SCN4A: variants seen among roughly 807,000 people sequenced by gnomAD.
The protein encoded by SCN4A is sodium channel protein type 4 subunit alpha.
SCN4A carries 83 observed loss-of-function variants against 162.0 expected under a neutral mutation model. The ratio of observed to expected loss-of-function variants is 0.51; its 90% confidence interval spans 0.43 to 0.61. The LOEUF is 0.61. Among genes scored for constraint, SCN4A ranks in the 20% least tolerant of loss-of-function variants. SCN4A has a pLI of 0.00. For missense variants in SCN4A, 2,196 were observed against 2,462.5 expected (o/e 0.89, Z 2.29); for synonymous variants, 944 against 985.1 (o/e 0.96, Z 0.78).
intron 8 of SCN4A, among the ~76,000 whole-genome samples, chr17:63,965,666 T>G (rs1009866492): frequency 9.2e-5 from 14 of 152,144 alleles, no homozygotes; most frequent in Non-Finnish European, 1.8e-4. Flanking sequence ...TTTTTGTATT[T>G]TTAGTAGAGA....
chr17:63,947,358 C>A (rs535210669), intron 17 of SCN4A, among the ~76,000 whole-genome samples, 191 bp from the exon 18 acceptor site: 53 of 152,310 alleles, frequency 3.5e-4, no homozygotes, highest in Admixed American at 2.9e-3. Context: ...CCTGGCACCA[C>A]CTCAGTGATG....
At chr17:63,967,963 A>C in intron 6 of SCN4A, 60 bp downstream of exon 6, 2 of 1,357,870 alleles carry the variant, frequency 1.5e-6, no homozygotes, top group Admixed American at 2.0e-5. Flanking sequence ...ATGTGGAGTC[A>C]GAGGCTACCC....
Position 63,971,803 on chromosome 17 carries a change from A to G in SCN4A, c.530T>C (p.Leu177Pro). The change falls in exon 4 of 24, where the codon CTG (leucine) becomes CCG (proline). Residue 177 changes from leucine (L) to proline (P), a missense_variant. Leu to Pro is a moderately conservative substitution (Grantham distance 98). Transcript: ENST00000435607. The part of the protein sequence containing the change: ...IYTFESLIKI[L>P]ARGFCVDDFT... The stretch of plus-strand genomic sequence containing the variant: ...GTCGTCGACACAGAAGCCTCGGGCC[A>G]GTATCTTGATGAGGGACTCAAAGGT... 6.2e-7 allele frequency: 1 copy of G among 1,613,670 alleles called. No homozygotes were observed.
chr17:63,943,966 G>A, intron 21 of SCN4A, 116 bp from the exon 22 acceptor site: 1 of 670,870 alleles, frequency 1.5e-6, no homozygotes, highest in Non-Finnish European at 2.7e-6. Flanking sequence ...CTGTTGATCA[G>A]CCTGGAGGAA....
chr17:63,947,768 G>T, intron 17 of SCN4A, 122 bp downstream of exon 17: 2 of 912,686 alleles, frequency 2.2e-6, no homozygotes, highest in Non-Finnish European at 3.3e-6. Context: ...AGCACTGATT[G>T]AGGGTCTGAC....
chr17:63,956,446 T>C (rs963032677), intron 13 of SCN4A, among the ~76,000 whole-genome samples: 2 of 152,168 alleles, frequency 1.3e-5, no homozygotes, highest in African/African-American at 4.8e-5. Flanking sequence ...TAAGAGTGTC[T>C]TGCTATGTTG....
intron 5 of SCN4A, among the ~76,000 whole-genome samples, chr17:63,970,187 T>A (rs190165450): frequency 3.3e-5 from 5 of 152,204 alleles, no homozygotes; most frequent in East Asian, 1.9e-4. Flanking sequence ...GCTTGGACTT[T>A]TCCTCATGGA....
chr17:63,941,800 G>A lies in SCN4A; in HGVS notation c.4482C>T (p.Phe1494=). ...TGGACATGCCGAAGATGGAGTAGATGAACATGACCAGGAAGAGGAGGAGGC... is the reference window on the plus strand; with the variant it reads ...TGGACATGCCGAAGATGGAGTAGATAAACATGACCAGGAAGAGGAGGAGGC... ...NIGLLLFLVM[F]IYSIFGMSNF... is the part of the protein sequence containing the mutation. Residue 1494 remains phenylalanine (F), a synonymous_variant, in exon 24 of 24, where the codon TTC becomes TTT. Coordinates refer to ENST00000435607, the MANE Select transcript of SCN4A (RefSeq NM_000334.4). This position sits in a 1 kb window ranked among gnomAD's most constrained non-coding sequence, Gnocchi z 6.2. 2 of 1,614,206 alleles carry A rather than the reference G, an allele frequency of 1.2e-6. No individual in the cohort carries two copies. The highest frequency in any genetic ancestry group is 2.2e-5 in the South Asian group (2 of 91,086).
intron 9 of SCN4A, 109 bp from the exon 10 acceptor site, chr17:63,963,934 T>G: frequency 1.8e-6 from 2 of 1,086,994 alleles, no homozygotes; most frequent in East Asian, 2.7e-5. Flanking sequence ...CAGCCCCTCT[T>G]CCTGGCCTGT....
rs747476466 is a variant in SCN4A at position 63,947,924 on chromosome 17, T to C, written c.3284A>G (p.Asn1095Ser). 2 of 1,613,842 alleles carry C rather than the reference T, an allele frequency of 1.2e-6. No homozygotes were observed. The highest frequency in any genetic ancestry group is 2.2e-5 in the East Asian group (1 of 44,882). Residue 1095 changes from asparagine to serine, a missense_variant, in exon 17 of 24, where the codon AAC becomes AGC. Physicochemically the swap from Asn to Ser is conservative, Grantham distance 46. Transcript: ENST00000435607. ...GAGGAAGTCGAGCCAGCACCAGGCG[T>C]TGGTGAAGTACACCTTAAAGCCGTA... ...VAYGFKVYFT[N>S]AWCWLDFLIV...
Position 63,941,777 on chromosome 17 carries a change from G to A in SCN4A, c.4505C>T (p.Ser1502Phe). Residue 1502 changes from serine to phenylalanine, a missense_variant, in exon 24 of 24, where the codon TCC becomes TTC. Physicochemically the swap from Ser to Phe is radical, Grantham distance 155. Coordinates refer to ENST00000435607, the MANE Select transcript of SCN4A (RefSeq NM_000334.4). The surrounding 1 kb of genome is among the most constrained non-coding windows in gnomAD (Gnocchi z 6.2). Reference protein sequence around the residue: ...VMFIYSIFGMSNFAYVKKESG... With the variant: ...VMFIYSIFGMFNFAYVKKESG... Reference sequence around the variant, plus strand: ...CTCCTTCTTGACGTAGGCAAAGTTGGACATGCCGAAGATGGAGTAGATGAA... The same window carrying A: ...CTCCTTCTTGACGTAGGCAAAGTTGAACATGCCGAAGATGGAGTAGATGAA... 3 of 1,614,190 alleles carry A rather than the reference G, an allele frequency of 1.9e-6. No homozygotes were observed. Among genetic ancestry groups the A allele is most frequent in the Non-Finnish European group, 2.5e-6 (3 of 1,180,038 alleles).
chr17:63,944,016 G>T lies in SCN4A; in HGVS notation c.3913-166C>A, dbSNP rs888041868. The stretch of plus-strand genomic sequence containing the variant: ...GATGGAGGGACAAGGGGAGAATGCG[G>T]GACCGAGGAGAAGGGAGGGAAGGGG... On this transcript the variant is annotated intron_variant, in intron 21 of 23. Transcript: ENST00000435607. The surrounding 1 kb of genome is among the most constrained non-coding windows in gnomAD (Gnocchi z 4.3). Among the ~76,000 whole-genome samples the T allele has an allele frequency of 6.6e-6, 1 of 152,156 alleles. No homozygotes were observed. The highest frequency in any genetic ancestry group is 1.5e-5 in the Non-Finnish European group (1 of 68,036).
At chr17:63,964,034 C>T (rs181921618) in intron 9 of SCN4A, among the ~76,000 whole-genome samples, 1 of 152,256 alleles carries the variant, frequency 6.6e-6, no homozygotes, top group East Asian at 1.9e-4. Flanking sequence ...ACCCTCTGCC[C>T]TGAAGACCCT....
intron 23 of SCN4A, among the ~76,000 whole-genome samples, chr17:63,942,319 G>A (rs1234302189): frequency 1.3e-5 from 2 of 152,140 alleles, no homozygotes; most frequent in East Asian, 1.9e-4. Flanking sequence ...GAGAGAGACA[G>A]AGAGAGAGGG....
chr17:63,943,220 G>C (rs892195100), intron 22 of SCN4A, 124 bp from the exon 23 acceptor site: 11 of 993,988 alleles, frequency 1.1e-5, no homozygotes, highest in Non-Finnish European at 1.6e-5. Flanking sequence ...GACAGAGAGA[G>C]AGAGAGAGAG....
chr17:63,953,142 C>T (rs1185922516), intron 13 of SCN4A, among the ~76,000 whole-genome samples: 2 of 152,126 alleles, frequency 1.3e-5, no homozygotes, highest in Non-Finnish European at 2.9e-5. Flanking sequence ...AGGCGGATCA[C>T]GAGGTCAGGA....
chr17:63,949,421 C>T lies in SCN4A; in HGVS notation c.2961G>A (p.Gly987=), dbSNP rs1447182115. ...PEEQAEENPE[G]EQPEECFTEA... ...CAGTGAAGCACTCCTCAGGCTGCTCCCCCTCGGGGTTCTCCTCTGCCTGCT... is the reference window on the plus strand; with the variant it reads ...CAGTGAAGCACTCCTCAGGCTGCTCTCCCTCGGGGTTCTCCTCTGCCTGCT... The change falls in exon 15 of 24, where the codon GGG becomes GGA. Residue 987 remains glycine (G), a synonymous_variant. Transcript: ENST00000435607. The T allele has an allele frequency of 6.3e-7, 1 of 1,593,462 alleles. No individual in the cohort carries two copies. Among genetic ancestry groups the T allele is most frequent in the Non-Finnish European group, 8.6e-7 (1 of 1,169,370 alleles).
chr17:63,959,375 A>G lies in SCN4A; in HGVS notation c.1909T>C (p.Tyr637His). The G allele has an allele frequency of 6.2e-7, 1 of 1,613,752 alleles. No individual in the cohort carries two copies. The highest frequency in any genetic ancestry group is 8.5e-7 in the Non-Finnish European group (1 of 1,179,786). The change falls in exon 12 of 24, where the codon TAT becomes CAT. Residue 637 changes from tyrosine (Y) to histidine (H), a missense_variant. Transcript: ENST00000435607. ...LKLIAMDPYEYFQQGWNIFDS... is the reference protein window; with the variant it reads ...LKLIAMDPYEHFQQGWNIFDS... ...AAGATATTCCAACCCTGCTGGAAATACTCGTAGGGGTCCATGGCAATCAGC... is the reference window on the plus strand; with the variant it reads ...AAGATATTCCAACCCTGCTGGAAATGCTCGTAGGGGTCCATGGCAATCAGC...
intron 15 of SCN4A, among the ~76,000 whole-genome samples, chr17:63,949,005 G>A (rs1426020419): frequency 1.3e-5 from 2 of 152,210 alleles, no homozygotes; most frequent in Non-Finnish European, 2.9e-5. Flanking sequence ...GCAGAGGAAA[G>A]GCCTCCTGGC....
Sources: allele counts gnomAD v4.1 joint callset (sites outside exome capture counted in the v4.1 genomes callset), GRCh38; gene constraint gnomAD v4.1.1; non-coding constraint Gnocchi (gnomAD v3.1); transcripts MANE v1.5; gene names NCBI Gene and HGNC (gene_info 2026-07-23, HGNC 2026-07-21).